IZUMO4: variants seen among roughly 807,000 people sequenced by gnomAD.
IZUMO4 encodes IZUMO family member 4.
A neutral mutation model predicts 37.1 loss-of-function variants in IZUMO4; 51 were observed. That is an observed-to-expected ratio of 1.38 (90% confidence interval 1.10 to 1.74). The LOEUF is 1.74. Ranked by LOEUF, IZUMO4 falls within the 40% of genes most tolerant of loss-of-function variation. IZUMO4 has a pLI of 0.00. For synonymous variants in IZUMO4, 162 were observed against 121.4 expected (o/e 1.33, Z -2.20); for missense variants, 364 against 299.6 (o/e 1.21, Z -1.59).
At chr19:2,097,718 C>G in intron 3 of IZUMO4, 2 of 696,564 alleles carry the variant, frequency 2.9e-6, no homozygotes, top group Non-Finnish European at 4.9e-6. Context: ...GGAGTGTTGC[C>G]ACCGCCCTCC....
Position 2,097,092 on chromosome 19 carries a change from A to G in IZUMO4, c.147A>G (p.Ser49=). The G allele has an allele frequency of 1.2e-6, 2 of 1,612,790 alleles. No homozygotes were observed. Among genetic ancestry groups the G allele is most frequent in the Non-Finnish European group, 8.5e-7 (1 of 1,179,916 alleles). Residue 49 remains serine, a synonymous_variant, in exon 1 of 10, where the codon TCA becomes TCG. Transcript: ENST00000395301. ...KSWWVGDIPV[S]GALLTDWSDD... ...GGTGGGTGGGCGACATCCCCGTGTC[A>G]GGGGCGCTGCTCACCGACTGGAGCG...
chr19:2,097,569 GGAGTGATGT>G, intron 3 of IZUMO4, 74 bp downstream of exon 3: 1 of 1,316,728 alleles, frequency 7.6e-7, no homozygotes, highest in Non-Finnish European at 1.1e-6. Context: ...GGCTGAGGCT[GGAGTGATGT>G]GAACAGGGCA....
At position 2,099,033 on chromosome 19, in the gene IZUMO4, A is replaced by AGG; in HGVS notation, c.608+5_608+6insGG. Reference sequence around the variant, plus strand: ...CACACAGAGCCACCCCGGCCTTGTGAGTGACCCAGAGAAGGGAGGCCTCGG... The same window carrying AGG: ...CACACAGAGCCACCCCGGCCTTGTGAGGGTGACCCAGAGAAGGGAGGCCTCGG... On this transcript the variant is annotated splice_donor_region_variant and intron_variant, in intron 9 of 9. Transcript: ENST00000395301. 1 of 1,612,766 alleles carries AGG rather than the reference A, an allele frequency of 6.2e-7. No homozygotes were observed.
chr19:2,097,672 G>C (rs761833126), intron 3 of IZUMO4, 177 bp downstream of exon 3: 3 of 719,094 alleles, frequency 4.2e-6, no homozygotes, highest in Non-Finnish European at 7.2e-6. Flanking sequence ...CCATCACCCC[G>C]CGGGGACCTC....
intron 8 of IZUMO4, 67 bp downstream of exon 8, chr19:2,098,871 T>A (rs1344992326): frequency 3.4e-5 from 48 of 1,407,716 alleles, no homozygotes; most frequent in Non-Finnish European, 4.7e-5. Flanking sequence ...GGCTAGGGGG[T>A]CCTCTAGATC....
chr19:2,099,412 C>A lies in IZUMO4; in HGVS notation c.*67C>A. ...TCAGCTGGACAGCCCCTGCCTGTCA[C>A]TCTGGAGCTGGGCTGCTGCTGCCTC... On this transcript the variant is annotated 3_prime_UTR_variant, in exon 10 of 10. Coordinates refer to ENST00000395301, the MANE Select transcript of IZUMO4 (RefSeq NM_001039846.2). The A allele has an allele frequency of 1.7e-6, 2 of 1,184,554 alleles. No individual in the cohort carries two copies. Among genetic ancestry groups the A allele is most frequent in the Non-Finnish European group, 2.4e-6 (2 of 817,294 alleles). The allele number at this position is 1,184,554 out of a possible 1,614,324, so 73.4% of individuals were successfully genotyped here. A position where few individuals can be genotyped will look rare whatever the true frequency, so the allele number is the denominator to read the frequency against.
chr19:2,098,074 C>A lies in IZUMO4; in HGVS notation c.420C>A (p.Ile140=). ...CAGGCATCTTCCAGTACGAGACCAT[C>A]TCCTGCAACAACTGCACAGACTCGC... ...HRCGIFQYET[I]SCNNCTDSHV... Residue 140 remains isoleucine, a synonymous_variant, in exon 5 of 10, where the codon ATC becomes ATA. Coordinates refer to ENST00000395301, the MANE Select transcript of IZUMO4 (RefSeq NM_001039846.2). 6.2e-7 allele frequency: 1 copy of A among 1,613,488 alleles called. No homozygotes were observed.
intron 9 of IZUMO4, 57 bp from the exon 10 acceptor site, chr19:2,099,198 G>A (rs1250867739): frequency 3.5e-5 from 53 of 1,514,234 alleles, no homozygotes; most frequent in South Asian, 1.7e-4. Context: ...GGGCCCCCAG[G>A]GAGGGAGGCA....
chr19:2,099,372 C>A lies in IZUMO4; in HGVS notation c.*27C>A. The A allele has an allele frequency of 1.3e-6, 2 of 1,530,456 alleles. No homozygotes were observed. The highest frequency in any genetic ancestry group is 2.3e-5 in the South Asian group (2 of 86,424). 94.8% of individuals were successfully genotyped at this position (1,530,456 alleles called of 1,614,324 possible). A position where few individuals can be genotyped will look rare whatever the true frequency, so the allele number is the denominator to read the frequency against. ...AGCAGCTGGGCCTGCCCCAGGGCAA[C>A]GTGGGGGCGGAGACTCAGCTGGACA... On this transcript the variant is annotated 3_prime_UTR_variant, in exon 10 of 10. Coordinates refer to ENST00000395301, the MANE Select transcript of IZUMO4 (RefSeq NM_001039846.2).
rs775179649 is a variant in IZUMO4, at chr19:2,098,956, T to A, written c.555-20T>A. 1.2e-6 allele frequency: 2 copies of A among 1,611,438 alleles called. No homozygotes were observed. The highest frequency in any genetic ancestry group is 2.2e-5 in the South Asian group (2 of 91,052). Reference sequence around the variant, plus strand: ...GATGTCACCTCTGCAACCACACCCATGTGGTGGTTTCATGAACAGACCACG... The same window carrying A: ...GATGTCACCTCTGCAACCACACCCAAGTGGTGGTTTCATGAACAGACCACG... On this transcript the variant is annotated intron_variant, in intron 8 of 9. Coordinates refer to ENST00000395301, the MANE Select transcript of IZUMO4 (RefSeq NM_001039846.2).
rs1285417563 is a variant in IZUMO4, at chr19:2,098,449, A to G, written c.535A>G (p.Lys179Glu). ...GLLNYINNWH[K>E]QDTSMRPRSS... Reference sequence around the variant, plus strand: ...CTGTCTTTGTAGAAATAACTGGCACAAGTAAGTCCCCTCCTCAAACCAACA... The same window carrying G: ...CTGTCTTTGTAGAAATAACTGGCACGAGTAAGTCCCCTCCTCAAACCAACA... Residue 179 changes from lysine to glutamate, a missense_variant and splice_region_variant, in exon 7 of 10, where the codon AAA becomes GAA. Physicochemically the swap from Lys to Glu is moderately conservative, Grantham distance 56. Coordinates refer to ENST00000395301, the MANE Select transcript of IZUMO4 (RefSeq NM_001039846.2). 2 of 1,613,890 alleles carry G rather than the reference A, an allele frequency of 1.2e-6. No homozygotes were observed. The highest frequency in any genetic ancestry group is 1.7e-6 in the Non-Finnish European group (2 of 1,180,026).
Position 2,097,415 on chromosome 19 carries a change from A to G in IZUMO4, c.299-9A>G, listed in dbSNP as rs1326317074. 6.2e-7 allele frequency: 1 copy of G among 1,604,160 alleles called. No individual in the cohort carries two copies. The highest frequency in any genetic ancestry group is 8.5e-7 in the Non-Finnish European group (1 of 1,174,344). ...CTGAGCCTGACCTTCTCCTGCCTCG[A>G]CGACTCAGGGTATTTCCCCAACGAG... On this transcript the variant is annotated splice_polypyrimidine_tract_variant and intron_variant, in intron 2 of 9. Transcript: ENST00000395301.
rs770721688 is a variant in IZUMO4, at chr19:2,099,245, C to T, written c.609-10C>T. 3 of 1,611,286 alleles carry T rather than the reference C, an allele frequency of 1.9e-6. No homozygotes were observed. The highest frequency in any genetic ancestry group is 2.2e-5 in the South Asian group (2 of 91,030). On this transcript the variant is annotated splice_polypyrimidine_tract_variant and intron_variant, in intron 9 of 9. Transcript: ENST00000395301. Reference sequence around the variant, plus strand: ...ACATGGAGAGCTGAGGCAGCCTCGTCTCCCCGCAGCCTGGTATCGCCAGCC... The same window carrying T: ...ACATGGAGAGCTGAGGCAGCCTCGTTTCCCCGCAGCCTGGTATCGCCAGCC...
rs537043121 is a variant in IZUMO4, at chr19:2,099,185, C to G, written c.609-70C>G. On this transcript the variant is annotated intron_variant, in intron 9 of 9. Coordinates refer to ENST00000395301, the MANE Select transcript of IZUMO4 (RefSeq NM_001039846.2). ...ACACGTCCCAGCTGGGAGGAGAGGC[C>G]TGGGGCCCCCAGGGAGGGAGGCAGG... The G allele has an allele frequency of 6.7e-6, 10 of 1,491,460 alleles. No individual in the cohort carries two copies. The Admixed American group carries it at 1.5e-4, about 23-fold the overall frequency. The allele number at this position is 1,491,460 out of a possible 1,614,324, so 92.4% of individuals were successfully genotyped here.
Position 2,099,286 on chromosome 19 carries a change from C to A in IZUMO4, c.640C>A (p.Pro214Thr), listed in dbSNP as rs769755172. Residue 214 changes from proline to threonine, a missense_variant, in exon 10 of 10, where the codon CCC (proline) becomes ACC (threonine). Pro to Thr is a conservative substitution (Grantham distance 38). Coordinates refer to ENST00000395301, the MANE Select transcript of IZUMO4 (RefSeq NM_001039846.2). ...LVSPALRCLE[P>T]PHLANLTLED... ...ATCGCCAGCCTTAAGGTGTCTGGAG[C>A]CCCCACACTTGGCCAACCTGACCTT... is the stretch of plus-strand genomic sequence containing the variant. 5 of 1,612,858 alleles carry A rather than the reference C, an allele frequency of 3.1e-6. No individual in the cohort carries two copies. Among genetic ancestry groups the A allele is most frequent in the East Asian group, 2.2e-5 (1 of 44,882 alleles).
In IZUMO4 at chr19:2,099,433, G is replaced by A; in HGVS notation, c.*88G>A. On this transcript the variant is annotated 3_prime_UTR_variant, in exon 10 of 10. Coordinates refer to ENST00000395301, the MANE Select transcript of IZUMO4 (RefSeq NM_001039846.2). ...GTCACTCTGGAGCTGGGCTGCTGCTGCCTCAGGACCCCCTCTCCGACCCCG... is the reference window on the plus strand; with the variant it reads ...GTCACTCTGGAGCTGGGCTGCTGCTACCTCAGGACCCCCTCTCCGACCCCG... The A allele has an allele frequency of 1.8e-5, 14 of 768,912 alleles. No individual in the cohort carries two copies. The South Asian group carries it at 1.9e-4, about 10-fold the overall frequency. 47.6% of individuals were successfully genotyped at this position (768,912 alleles called of 1,614,324 possible).
rs1170562885 is a variant in IZUMO4, at chr19:2,099,360, G to A, written c.*15G>A. 6.3e-6 allele frequency: 10 copies of A among 1,595,094 alleles called. No individual in the cohort carries two copies. Among genetic ancestry groups the A allele is most frequent in the Non-Finnish European group, 7.7e-6 (9 of 1,167,044 alleles). On this transcript the variant is annotated 3_prime_UTR_variant, in exon 10 of 10. Transcript: ENST00000395301. ...AGCAGCACTGACAGCAGCTGGGCCT[G>A]CCCCAGGGCAACGTGGGGGCGGAGA...
chr19:2,099,269 C>T lies in IZUMO4; in HGVS notation c.623C>T (p.Ala208Val), dbSNP rs1419430689. 1 of 1,612,672 alleles carries T rather than the reference C, an allele frequency of 6.2e-7. No homozygotes were observed. The highest frequency in any genetic ancestry group is 8.5e-7 in the Non-Finnish European group (1 of 1,179,670). ...TCTCCCCGCAGCCTGGTATCGCCAG[C>T]CTTAAGGTGTCTGGAGCCCCCACAC... ...RATPAFLVSPALRCLEPPHLA... is the reference protein window; with the variant it reads ...RATPAFLVSPVLRCLEPPHLA... Residue 208 changes from alanine to valine, a missense_variant, in exon 10 of 10, where the codon GCC becomes GTC. Transcript: ENST00000395301.
At position 2,097,004 on chromosome 19, in the gene IZUMO4, A is replaced by C; in HGVS notation, c.59A>C (p.His20Pro). Reference sequence around the variant, plus strand: ...GCGGCGCTGGCCCACGGCTGTCTGCACTGCCACAGCAACTTCTCCAAGAAG... The same window carrying C: ...GCGGCGCTGGCCCACGGCTGTCTGCCCTGCCACAGCAACTTCTCCAAGAAG... ...LTAALAHGCL[H>P]CHSNFSKKFS... is the part of the protein sequence containing the mutation. The change falls in exon 1 of 10, where the codon CAC becomes CCC. Residue 20 changes from histidine (H) to proline (P), a missense_variant. Transcript: ENST00000395301. The C allele has an allele frequency of 6.2e-7, 1 of 1,611,226 alleles. No homozygotes were observed. The highest frequency in any genetic ancestry group is 8.5e-7 in the Non-Finnish European group (1 of 1,179,874).
Sources: gnomAD v4.1 joint callset for allele counts on GRCh38, gnomAD v4.1.1 for gene constraint, MANE v1.5 for transcripts, NCBI Gene and HGNC (gene_info 2026-07-23, HGNC 2026-07-21) for gene names.